CCDC15: variants seen among roughly 807,000 people sequenced by gnomAD.
CCDC15 encodes coiled-coil domain-containing protein 15.
CCDC15 carries 105 observed loss-of-function variants against 114.5 expected under a neutral mutation model. The ratio of observed to expected loss-of-function variants is 0.92; its 90% confidence interval spans 0.78 to 1.08. CCDC15 has a LOEUF of 1.08. Ranked by LOEUF, CCDC15 falls within the 50% of genes least tolerant of loss-of-function variation. The pLI, the probability that CCDC15 is intolerant of heterozygous loss-of-function variation, is 0.00. For synonymous variants in CCDC15, 334 were observed against 377.8 expected (o/e 0.88, Z 1.34); for missense variants, 1,105 against 1,093.6 (o/e 1.01, Z -0.15).
At chr11:125,025,129 A>AATATATGTGAGT (rs1948691791) in intron 13 of CCDC15, among the ~76,000 whole-genome samples, 14 of 131,422 alleles carry the variant, frequency 1.1e-4, no homozygotes, top group African/African-American at 3.7e-4. Flanking sequence ...TATATATATG[A>AATATATGTGAGT]ATATATATGA....
intron 4 of CCDC15, among the ~76,000 whole-genome samples, chr11:124,960,396 A>C (rs1166396603): frequency 1.3e-5 from 2 of 152,038 alleles, no homozygotes; most frequent in East Asian, 3.8e-4. Flanking sequence ...ATTAGAAAGC[A>C]CTTTAGGTCA....
At chr11:125,028,785 C>T (rs1233388631) in intron 13 of CCDC15, among the ~76,000 whole-genome samples, 2 of 152,140 alleles carry the variant, frequency 1.3e-5, no homozygotes, top group Admixed American at 6.6e-5. Context: ...GATGTTATTT[C>T]TTTCTCTTGC....
intron 13 of CCDC15, among the ~76,000 whole-genome samples, chr11:125,031,149 C>T (rs918448469): frequency 6.6e-6 from 1 of 152,220 alleles, no homozygotes. Flanking sequence ...GAAGTTCTGC[C>T]CACTGGGAAG....
chr11:124,992,626 C>T lies in CCDC15; in HGVS notation c.2078C>T (p.Pro693Leu). The T allele has an allele frequency of 6.2e-7, 1 of 1,601,658 alleles. No homozygotes were observed. Among genetic ancestry groups the T allele is most frequent in the Non-Finnish European group, 8.5e-7 (1 of 1,173,642 alleles). ...MREERVREELPLDYHQYVVPK... is the reference protein window; with the variant it reads ...MREERVREELLLDYHQYVVPK... ...GAAGAAAGAGTGAGAGAAGAATTGC[C>T]TCTGGACTATCATCAATATGTTGTA... Residue 693 changes from proline to leucine, a missense_variant, in exon 10 of 16, where the codon CCT (proline) becomes CTT (leucine). Physicochemically the swap from Pro to Leu is moderately conservative, Grantham distance 98. Transcript: ENST00000344762.
At chr11:124,969,385 G>A (rs2135448113) in intron 4 of CCDC15, among the ~76,000 whole-genome samples, 1 of 152,226 alleles carries the variant, frequency 6.6e-6, no homozygotes, top group East Asian at 1.9e-4. Flanking sequence ...TATCTTTAGG[G>A]ATTCAGTTTC....
At chr11:125,038,118 C>T (rs1948788350) in intron 13 of CCDC15, 1 of 162,910 alleles carries the variant, frequency 6.1e-6, no homozygotes, top group Non-Finnish European at 1.3e-5. Flanking sequence ...TGGGTTTTCA[C>T]CATGTTGGCC....
chr11:125,001,190 C>A (rs983131962), intron 11 of CCDC15, among the ~76,000 whole-genome samples: 1 of 152,188 alleles, frequency 6.6e-6, no homozygotes, highest in East Asian at 1.9e-4. Flanking sequence ...GCAAAAAGAA[C>A]ACTTGTTTAC....
chr11:124,985,875 C>T (rs1307615867), intron 6 of CCDC15, among the ~76,000 whole-genome samples: 1 of 151,880 alleles, frequency 6.6e-6, no homozygotes, highest in African/African-American at 2.4e-5. Context: ...AAATTAGTCA[C>T]TTCTTTTTTT....
rs1222112933 is a variant in CCDC15, at chr11:125,039,074, G to C, written c.2734+5G>C. ...TTTTCTATAAAAACCACAGAGGTAA[G>C]TTTCTTGAAGGAATAGTCAGGGCCT... On this transcript the variant is annotated splice_donor_5th_base_variant and intron_variant, in intron 15 of 15. Transcript: ENST00000344762. 3 of 1,581,482 alleles carry C rather than the reference G, an allele frequency of 1.9e-6. No homozygotes were observed. Among genetic ancestry groups the C allele is most frequent in the Non-Finnish European group, 2.6e-6 (3 of 1,159,996 alleles).
intron 13 of CCDC15, among the ~76,000 whole-genome samples, chr11:125,036,676 C>G (rs1948776503): frequency 6.6e-6 from 1 of 152,064 alleles, no homozygotes; most frequent in Non-Finnish European, 1.5e-5. Flanking sequence ...CCTTTTGTCT[C>G]CTATAACTGT....
chr11:125,038,990 A>C lies in CCDC15; in HGVS notation c.2655A>C (p.Leu885=). The change falls in exon 15 of 16, where the codon CTA becomes CTC. Residue 885 remains leucine, a synonymous_variant. Coordinates refer to ENST00000344762, the MANE Select transcript of CCDC15 (RefSeq NM_025004.3). ...MQLYNITLPP[L]CCCGPDFWDA... ...TGTATAATATTACTTTACCTCCACTATGCTGTTGTGGTCCTGATTTTTGGG... is the reference window on the plus strand; with the variant it reads ...TGTATAATATTACTTTACCTCCACTCTGCTGTTGTGGTCCTGATTTTTGGG... 1 of 1,612,986 alleles carries C rather than the reference A, an allele frequency of 6.2e-7. No individual in the cohort carries two copies. Among genetic ancestry groups the C allele is most frequent in the Non-Finnish European group, 8.5e-7 (1 of 1,179,270 alleles).
At chr11:125,004,991 C>G in intron 12 of CCDC15, 118 bp from the exon 13 acceptor site, 1 of 533,310 alleles carries the variant, frequency 1.9e-6, no homozygotes, top group Non-Finnish European at 3.4e-6. Flanking sequence ...CATGTAACTT[C>G]TATATCATCT....
chr11:125,034,528 C>A (rs1948762938), intron 13 of CCDC15, among the ~76,000 whole-genome samples: 1 of 152,144 alleles, frequency 6.6e-6, no homozygotes, highest in Admixed American at 6.5e-5. Flanking sequence ...GAGTTAGCAT[C>A]CCTGAGTTCA....
intron 6 of CCDC15, among the ~76,000 whole-genome samples, chr11:124,985,859 A>AT (rs1948149149): frequency 6.6e-6 from 1 of 151,954 alleles, no homozygotes; most frequent in South Asian, 2.1e-4. Flanking sequence ...ATGGCATAAG[A>AT]TTTTTAAATT....
intron 5 of CCDC15, among the ~76,000 whole-genome samples, chr11:124,976,094 A>C (rs1181590372): frequency 2.0e-5 from 3 of 151,490 alleles, no homozygotes; most frequent in African/African-American, 4.8e-5. Flanking sequence ...TTTTTTAATA[A>C]ATTATGTTTT....
In CCDC15 at chr11:125,022,489, T is replaced by C. The variant is rs568039724; in HGVS notation, c.2412-15942T>C. On this transcript the variant is annotated intron_variant, in intron 13 of 15. Coordinates refer to ENST00000344762, the MANE Select transcript of CCDC15 (RefSeq NM_025004.3). Reference sequence around the variant, plus strand: ...AGAAAATCTTTGTTTAAAGTGGCTTTGTCACTTTGCTAGAGATGGCCAGTG... The same window carrying C: ...AGAAAATCTTTGTTTAAAGTGGCTTCGTCACTTTGCTAGAGATGGCCAGTG... Among the ~76,000 whole-genome samples, 3 of 152,072 alleles carry C rather than the reference T, an allele frequency of 2.0e-5. No homozygotes were observed. In the South Asian group the frequency reaches 6.2e-4, roughly 32 times the overall value.
rs2135490286 is a variant in CCDC15 at position 124,990,615 on chromosome 11, T to G, written c.1909-846T>G. Among the ~76,000 whole-genome samples, 2 of 152,382 alleles carry G rather than the reference T, an allele frequency of 1.3e-5. 1 individual carries two copies. Among genetic ancestry groups the G allele is most frequent in the South Asian group, 4.1e-4 (2 of 4,832 alleles). On this transcript the variant is annotated intron_variant, in intron 8 of 15. Transcript: ENST00000344762. ...TGATTTCTCAAAACTCCAGTGCTCT[T>G]ACTAAATGTTAAAGTATTACCAGCA... is the stretch of plus-strand genomic sequence containing the variant.
chr11:124,971,594 T>C lies in CCDC15; in HGVS notation c.517-3502T>C, dbSNP rs371896017. 1.4e-4 allele frequency among the ~76,000 whole-genome samples: 21 copies of C among 152,236 alleles called. No individual in the cohort carries two copies. The South Asian group carries it at 4.1e-3, about 30-fold the overall frequency. On this transcript the variant is annotated intron_variant, in intron 4 of 15. Coordinates refer to ENST00000344762, the MANE Select transcript of CCDC15 (RefSeq NM_025004.3). ...CAAAAATGCATTTATATGTTTATGT[T>C]GTTCATGAGAGGAAGCTTTTTGAGG...
At chr11:125,007,579 T>G (rs952608567) in intron 13 of CCDC15, among the ~76,000 whole-genome samples, 1 of 152,194 alleles carries the variant, frequency 6.6e-6, no homozygotes, top group Non-Finnish European at 1.5e-5. Context: ...TTTCTTTTCC[T>G]TTGAATAAAT....
Sources: gnomAD v4.1 joint callset for allele counts (sites outside exome capture counted in the v4.1 genomes callset) on GRCh38, gnomAD v4.1.1 for gene constraint, MANE v1.5 for transcripts, NCBI Gene and HGNC (gene_info 2026-07-23, HGNC 2026-07-21) for gene names.